LAMA2: variants seen among roughly 807,000 people sequenced by gnomAD.
LAMA2 encodes laminin subunit alpha 2.
In LAMA2, 269 loss-of-function variants were observed where a neutral mutation model predicts 364.8. The ratio of observed to expected loss-of-function variants is 0.74; its 90% confidence interval spans 0.67 to 0.82. LAMA2 has a LOEUF of 0.82. Among genes scored for constraint, LAMA2 ranks in the 40% least tolerant of loss-of-function variants. LAMA2 has a pLI of 0.00. For missense variants in LAMA2, 3,807 were observed against 3,873.2 expected (o/e 0.98, Z 0.45); for synonymous variants, 1,379 against 1,370.6 (o/e 1.01, Z -0.14).
chr6:129,172,238 G>C (rs1024149767), intron 9 of LAMA2, among the ~76,000 whole-genome samples: 1 of 152,112 alleles, frequency 6.6e-6, no homozygotes, highest in African/African-American at 2.4e-5. Context: ...TCCTTTGGAG[G>C]AGGAGAGGCA....
chr6:129,173,549 TCA>T (rs1215964873), intron 9 of LAMA2, among the ~76,000 whole-genome samples: 1 of 152,194 alleles, frequency 6.6e-6, no homozygotes, highest in Non-Finnish European at 1.5e-5. Context: ...TCAAAGATTT[TCA>T]CAGTTACATT....
chr6:129,309,949 G>C (rs1165875868), intron 22 of LAMA2, among the ~76,000 whole-genome samples: 1 of 144,492 alleles, frequency 6.9e-6, no homozygotes, highest in Non-Finnish European at 1.5e-5. Context: ...ACCCAGGCTG[G>C]AGTGCAGTGG....
At chr6:129,171,579 C>G (rs1466275564) in intron 9 of LAMA2, among the ~76,000 whole-genome samples, 3 of 151,852 alleles carry the variant, frequency 2.0e-5, no homozygotes, top group Non-Finnish European at 4.4e-5. Flanking sequence ...TGAGGGTAAC[C>G]CGACCTTTCT....
chr6:129,158,279 C>T (rs1779244738), intron 8 of LAMA2: 1 of 1,613,998 alleles, frequency 6.2e-7, no homozygotes, highest in Non-Finnish European at 8.5e-7. Flanking sequence ...GGCGCATTAG[C>T]ACAGTTTGGT....
chr6:129,089,844 T>C (rs1164501683), intron 3 of LAMA2, among the ~76,000 whole-genome samples: 1 of 152,200 alleles, frequency 6.6e-6, no homozygotes. Flanking sequence ...TGCTCACTCG[T>C]GTTACTCGTT....
At chr6:129,212,145 C>T (rs1422800949) in intron 12 of LAMA2, among the ~76,000 whole-genome samples, 6 of 152,078 alleles carry the variant, frequency 3.9e-5, no homozygotes, top group Non-Finnish European at 5.9e-5. Context: ...TGTTCAGAAC[C>T]AAGGGGAGGA....
At chr6:128,997,715 A>T (rs148912718) in intron 1 of LAMA2, among the ~76,000 whole-genome samples, 2,354 of 152,210 alleles carry the variant, frequency 0.015, 74 homozygotes, top group African/African-American at 0.054. Context: ...GAATCACTTG[A>T]ACCTGGAAGG....
chr6:129,279,996 A>T, intron 17 of LAMA2, 65 bp from the exon 18 acceptor site: 1 of 1,055,442 alleles, frequency 9.5e-7, no homozygotes, highest in Non-Finnish European at 1.5e-6. Context: ...GAAATGAGAA[A>T]ATGCTAATGA....
At chr6:128,908,458 A>T (rs930727549) in intron 1 of LAMA2, among the ~76,000 whole-genome samples, 126 of 148,880 alleles carry the variant, frequency 8.5e-4, no homozygotes, top group African/African-American at 2.9e-3. Flanking sequence ...GGTAGTTTGT[A>T]TTTCTGTGGG....
chr6:129,278,407 A>G (rs564358679), intron 17 of LAMA2, among the ~76,000 whole-genome samples: 5 of 152,282 alleles, frequency 3.3e-5, no homozygotes, highest in East Asian at 3.9e-4. Flanking sequence ...CAGAATGCCA[A>G]TTTTCAAAGA....
chr6:129,098,490 C>T, intron 4 of LAMA2, 75 bp downstream of exon 4: 1 of 1,485,124 alleles, frequency 6.7e-7, no homozygotes. Context: ...CTGAATATAT[C>T]AGTAATTAAT....
At chr6:129,100,029 T>C (rs1775429628) in intron 4 of LAMA2, among the ~76,000 whole-genome samples, 1 of 152,214 alleles carries the variant, frequency 6.6e-6, no homozygotes, top group Non-Finnish European at 1.5e-5. Context: ...TCTCAAACAA[T>C]TTAAGACTAT....
At chr6:128,903,926 G>T (rs949037353) in intron 1 of LAMA2, among the ~76,000 whole-genome samples, 1 of 152,290 alleles carries the variant, frequency 6.6e-6, no homozygotes, top group South Asian at 2.1e-4. Context: ...CCCTAGCAGA[G>T]CTCAGAAGTA....
At position 129,440,857 on chromosome 6, in the gene LAMA2, C is replaced by A. The variant is rs897866453; in HGVS notation, c.6127C>A (p.Gln2043Lys). 9 of 1,613,822 alleles carry A rather than the reference C, an allele frequency of 5.6e-6. No homozygotes were observed. In the African/African-American group the frequency reaches 1.1e-4, roughly 19 times the overall value. Reference protein sequence around the residue: ...KLQAVKDKARQANDTAKDVLA... With the variant: ...KLQAVKDKARKANDTAKDVLA... ...GCAAGCTGTTAAGGACAAAGCCAGA[C>A]AAGCCAACGACACAGCTAAAGATGT... Residue 2043 changes from glutamine to lysine, a missense_variant, in exon 43 of 65, where the codon CAA becomes AAA. Physicochemically the swap from Gln to Lys is moderately conservative, Grantham distance 53. Coordinates refer to ENST00000421865, the MANE Select transcript of LAMA2 (RefSeq NM_000426.4).
At position 129,514,711 on chromosome 6, in the gene LAMA2, TTTAGAATCTGC is replaced by T. The variant is rs375052134; in HGVS notation, c.9211+128_9211+138del. 4.2e-4 allele frequency: 357 copies of T among 851,256 alleles called. 1 individual carries two copies. In the African/African-American group the frequency reaches 5.1e-3, roughly 12 times the overall value. 52.7% of individuals were successfully genotyped at this position (851,256 alleles called of 1,614,324 possible). A position where few individuals can be genotyped will look rare whatever the true frequency, so the allele number is the denominator to read the frequency against. On this transcript the variant is annotated intron_variant, in intron 64 of 64. Coordinates refer to ENST00000421865, the MANE Select transcript of LAMA2 (RefSeq NM_000426.4). ...TGCTTATGTGTACTTGCTTCCTAGC[TTTAGAATCTGC>T]TTAGAATCTGCACCTTACCTAAAAT...
chr6:128,884,630 T>C (rs1047575793), intron 1 of LAMA2, among the ~76,000 whole-genome samples: 1 of 152,212 alleles, frequency 6.6e-6, no homozygotes, highest in African/African-American at 2.4e-5. Flanking sequence ...TATAACTTTT[T>C]TCCTTCTATT....
At chr6:128,957,602 A>AG (rs1222612393) in intron 1 of LAMA2, among the ~76,000 whole-genome samples, 3 of 151,692 alleles carry the variant, frequency 2.0e-5, no homozygotes, top group Non-Finnish European at 4.4e-5. Context: ...TGCTTTTTTT[A>AG]GGGGGGGAAG....
At position 129,164,556 on chromosome 6, in the gene LAMA2, C is replaced by T. The variant is rs569014068; in HGVS notation, c.1207-1020C>T. On this transcript the variant is annotated intron_variant, in intron 8 of 64. Transcript: ENST00000421865. ...ATTAGTAATAAACTTGCTGAGTGATCACCATGAAGTCATGAAAGTTTACTT... is the reference window on the plus strand; with the variant it reads ...ATTAGTAATAAACTTGCTGAGTGATTACCATGAAGTCATGAAAGTTTACTT... Among the ~76,000 whole-genome samples, 54 of 152,276 alleles carry T rather than the reference C, an allele frequency of 3.5e-4. 1 individual carries two copies. The highest frequency in any genetic ancestry group is 6.8e-4 in the Non-Finnish European group (46 of 68,018).
At chr6:129,392,257 A>C (rs1402752742) in intron 36 of LAMA2, among the ~76,000 whole-genome samples, 1 of 152,226 alleles carries the variant, frequency 6.6e-6, no homozygotes, top group African/African-American at 2.4e-5. Flanking sequence ...ACATCTCTAC[A>C]TTCATAGTCA....
Sources: allele counts gnomAD v4.1 joint callset (sites outside exome capture counted in the v4.1 genomes callset), GRCh38; gene constraint gnomAD v4.1.1; transcripts MANE v1.5; gene names NCBI Gene and HGNC (gene_info 2026-07-23, HGNC 2026-07-21).